The following KIF16B variants were observed in gnomAD, a reference collection of about 807,000 sequenced individuals.
KIF16B encodes the protein kinesin-like protein KIF16B.
KIF16B carries 98 observed loss-of-function variants against 156.3 expected under a neutral mutation model. That is an observed-to-expected ratio of 0.63 (90% CI 0.53 to 0.74). The LOEUF is 0.74. Among genes scored for constraint, KIF16B ranks in the 30% least tolerant of loss-of-function variants. KIF16B has a pLI of 0.00. For missense variants in KIF16B, 1,421 were observed against 1,606.5 expected (o/e 0.88, Z 1.97); for synonymous variants, 564 against 583.7 (o/e 0.97, Z 0.49).
intron 25 of KIF16B, among the ~76,000 whole-genome samples, chr20:16,283,636 C>T (rs1160370405): frequency 6.6e-6 from 1 of 152,270 alleles, no homozygotes; most frequent in African/African-American, 2.4e-5. Context: ...ACCTGAGGGC[C>T]TATATCAGTT....
At position 16,536,345 on chromosome 20, in the gene KIF16B, C is replaced by T. The variant is rs890026026; in HGVS notation, c.48-7905G>A. ...GATATCAGAGGCTGGAATGGGTGTA[C>T]GGGGGTGGGGGGAGTGAAGAGAAGT... is the stretch of plus-strand genomic sequence containing the variant. On this transcript the variant is annotated intron_variant, in intron 1 of 25. Transcript: ENST00000354981. 5.5e-4 allele frequency among the ~76,000 whole-genome samples: 83 copies of T among 150,754 alleles called. 1 individual carries two copies. Among genetic ancestry groups the T allele is most frequent in the African/African-American group, 2.0e-3 (81 of 40,964 alleles).
chr20:16,360,347 T>C (rs1452541232), intron 22 of KIF16B, among the ~76,000 whole-genome samples: 1 of 152,210 alleles, frequency 6.6e-6, no homozygotes, highest in East Asian at 1.9e-4. Context: ...AAATGTTTGC[T>C]GTATCCCATT....
At position 16,371,676 on chromosome 20, in the gene KIF16B, C is replaced by A; in HGVS notation, c.3436G>T (p.Asp1146Tyr). 6.2e-7 allele frequency: 1 copy of A among 1,610,588 alleles called. No homozygotes were observed. The highest frequency in any genetic ancestry group is 1.1e-5 in the South Asian group (1 of 90,972). ...CTCCTTCAGCTTACCTTCATCGTGTCTGCAGATGTACTGCAGCCTTCACTA... is the reference window on the plus strand; with the variant it reads ...CTCCTTCAGCTTACCTTCATCGTGTATGCAGATGTACTGCAGCCTTCACTA... ...VISEGCSTSA[D>Y]TMKDNEKLHN... is the part of the protein sequence containing the mutation. The change falls in exon 21 of 26, where the codon GAC becomes TAC. Residue 1146 changes from aspartate (D) to tyrosine (Y), a missense_variant. Transcript: ENST00000354981.
intron 4 of KIF16B, among the ~76,000 whole-genome samples, chr20:16,513,655 C>T (rs1041883191): frequency 4.8e-5 from 5 of 103,220 alleles, no homozygotes; most frequent in African/African-American, 1.9e-4. Context: ...AGCAAAACTA[C>T]GTTTAAAAAA....
intron 1 of KIF16B, among the ~76,000 whole-genome samples, chr20:16,571,246 C>G (rs1401586471): frequency 1.3e-5 from 2 of 152,188 alleles, no homozygotes; most frequent in African/African-American, 4.8e-5. Context: ...CAAATCCTGC[C>G]AATTCTGCCA....
chr20:16,372,953 C>G (rs118088761), intron 20 of KIF16B, among the ~76,000 whole-genome samples: 1,945 of 152,292 alleles, frequency 0.013, 17 homozygotes, highest in Middle Eastern at 0.02. Context: ...CTGGCTCGGC[C>G]TCTCGAAGTG....
At chr20:16,454,640 G>A (rs1428793490) in intron 12 of KIF16B, among the ~76,000 whole-genome samples, 1 of 152,018 alleles carries the variant, frequency 6.6e-6, no homozygotes, top group African/African-American at 2.4e-5. Flanking sequence ...AAATATCTTT[G>A]TAGATCTTTT....
At chr20:16,536,024 G>C (rs1035725863) in intron 1 of KIF16B, among the ~76,000 whole-genome samples, 1 of 151,992 alleles carries the variant, frequency 6.6e-6, no homozygotes, top group Non-Finnish European at 1.5e-5. Context: ...TATATCAAAG[G>C]GAAACCTGCA....
intron 12 of KIF16B, among the ~76,000 whole-genome samples, chr20:16,440,257 GC>G (rs998035169): frequency 6.6e-6 from 1 of 152,132 alleles, no homozygotes; most frequent in African/African-American, 2.4e-5. Flanking sequence ...CGTTTTTAAT[GC>G]TCCTTGCCAG....
At chr20:16,467,969 G>C (rs6043972) in intron 12 of KIF16B, among the ~76,000 whole-genome samples, 15 of 152,116 alleles carry the variant, frequency 9.9e-5, no homozygotes, top group African/African-American at 3.1e-4. Flanking sequence ...CAGAAACAAA[G>C]AACAAGATAA....
chr20:16,488,806 G>A (rs1229715314), intron 12 of KIF16B, among the ~76,000 whole-genome samples: 1 of 152,154 alleles, frequency 6.6e-6, no homozygotes, highest in Non-Finnish European at 1.5e-5. Context: ...ATTTAGCCAG[G>A]ATGAAAATCA....
chr20:16,276,129 C>A (rs1413243060), intron 25 of KIF16B, among the ~76,000 whole-genome samples: 1 of 152,172 alleles, frequency 6.6e-6, no homozygotes, highest in Non-Finnish European at 1.5e-5. Context: ...ATGTTTACAG[C>A]AAAGCTGACT....
chr20:16,571,121 A>C (rs1182293573), intron 1 of KIF16B, among the ~76,000 whole-genome samples: 2 of 152,166 alleles, frequency 1.3e-5, no homozygotes, highest in East Asian at 3.8e-4. Flanking sequence ...CCAAGAGAGA[A>C]CATACCAACT....
intron 7 of KIF16B, among the ~76,000 whole-genome samples, chr20:16,507,663 A>G (rs2068826997): frequency 2.0e-5 from 3 of 152,230 alleles, no homozygotes; most frequent in Admixed American, 2.0e-4. Context: ...AGTTTGCAAC[A>G]ATGAAAACTT....
intron 24 of KIF16B, among the ~76,000 whole-genome samples, chr20:16,321,970 C>T (rs996812617): frequency 9.9e-5 from 15 of 151,852 alleles, no homozygotes; most frequent in African/African-American, 3.6e-4. Context: ...ATATGATAGG[C>T]CTAGAGAATG....
intron 1 of KIF16B, among the ~76,000 whole-genome samples, chr20:16,560,312 T>TG (rs1331794219): frequency 2.0e-5 from 3 of 152,172 alleles, no homozygotes; most frequent in African/African-American, 7.2e-5. Flanking sequence ...GACAGTTCCC[T>TG]GGGGAACTTT....
intron 25 of KIF16B, among the ~76,000 whole-genome samples, chr20:16,289,380 T>C (rs561051253): frequency 1.1e-4 from 17 of 152,328 alleles, no homozygotes; most frequent in African/African-American, 4.1e-4. Flanking sequence ...TTTTCCCCTC[T>C]TTTAAATGTT....
intron 25 of KIF16B, among the ~76,000 whole-genome samples, chr20:16,291,278 T>C (rs2063311116): frequency 6.6e-6 from 1 of 152,226 alleles, no homozygotes; most frequent in Admixed American, 6.5e-5. Flanking sequence ...TAATTTGTGC[T>C]TCAAAGCCAC....
chr20:16,429,852 T>C lies in KIF16B; in HGVS notation c.1422+11A>G, dbSNP rs1208821279. ...AACAAAATTAGAATGTTCCACTTAA[T>C]CAGTTTCTACCTTTAAATGATATAA... On this transcript the variant is annotated intron_variant, in intron 13 of 25. Transcript: ENST00000354981. The C allele has an allele frequency of 1.9e-6, 3 of 1,598,778 alleles. No individual in the cohort carries two copies. In the African/African-American group the frequency reaches 4.0e-5, roughly 22 times the overall value.
Sources: allele counts gnomAD v4.1 joint callset (sites outside exome capture counted in the v4.1 genomes callset), GRCh38; gene constraint gnomAD v4.1.1; transcripts MANE v1.5; gene names NCBI Gene and HGNC (gene_info 2026-07-23, HGNC 2026-07-21).